SNX25: variants seen among roughly 807,000 people sequenced by gnomAD.
The protein encoded by SNX25 is sorting nexin-25.
In SNX25, 62 loss-of-function variants were observed where a neutral mutation model predicts 113.7. The ratio of observed to expected loss-of-function variants is 0.55; its 90% CI spans 0.44 to 0.67. SNX25 has a LOEUF of 0.67. Among genes scored for constraint, SNX25 ranks in the 30% least tolerant of loss-of-function variants. The pLI, the probability that SNX25 is intolerant of heterozygous loss-of-function variation, is 0.00. For synonymous variants in SNX25, 421 were observed against 436.2 expected, an observed-to-expected ratio of 0.97 and a Z score of 0.43; for missense variants, 1,014 against 1,161.0, an observed-to-expected ratio of 0.87 and a Z score of 1.84.
chr4:185,273,497 A>C (rs1281373889), intron 5 of SNX25, among the ~76,000 whole-genome samples: 1 of 152,184 alleles, frequency 6.6e-6, no homozygotes, highest in African/African-American at 2.4e-5. Context: ...GCTAATTAAC[A>C]TATCAATTAC....
intron 9 of SNX25, among the ~76,000 whole-genome samples, chr4:185,326,914 A>G (rs887502779): frequency 3.9e-5 from 6 of 152,316 alleles, no homozygotes; most frequent in South Asian, 4.1e-4. Context: ...TTAATGCTCA[A>G]TTTACAGAAA....
At chr4:185,328,011 C>T (rs781020350) in intron 9 of SNX25, among the ~76,000 whole-genome samples, 17 of 152,196 alleles carry the variant, frequency 1.1e-4, no homozygotes, top group East Asian at 1.9e-4. Flanking sequence ...GTCTCGTGAA[C>T]TGAAAGATCC....
intron 14 of SNX25, among the ~76,000 whole-genome samples, chr4:185,352,845 A>G (rs892564277): frequency 2.0e-5 from 3 of 152,158 alleles, no homozygotes; most frequent in Admixed American, 2.0e-4. Flanking sequence ...TCCAGCACCT[A>G]ATGTTTGCAG....
chr4:185,325,549 A>AAG, intron 9 of SNX25, among the ~76,000 whole-genome samples: 1 of 152,016 alleles, frequency 6.6e-6, no homozygotes, highest in South Asian at 2.1e-4. Flanking sequence ...AAAAAAAAAA[A>AAG]AAGACAAATC....
chr4:185,375,490 A>ATATATATATATATATATATG, the SNX25 span: 1 of 49,098 alleles, frequency 2.0e-5, no homozygotes, highest in Non-Finnish European at 3.2e-5. Flanking sequence ...AAAAAAAAAT[A>ATATATATATATATATATATG]TATATATATA....
downstream of SNX25, among the ~76,000 whole-genome samples, chr4:185,371,466 C>CA (rs2095415181): frequency 1.3e-5 from 2 of 150,608 alleles, no homozygotes; most frequent in African/African-American, 4.9e-5. Flanking sequence ...GGCGTGAACC[C>CA]GGAAGGCAGA....
chr4:185,347,496 GT>G (rs1303833989), intron 13 of SNX25, among the ~76,000 whole-genome samples: 5 of 151,422 alleles, frequency 3.3e-5, no homozygotes, highest in Non-Finnish European at 5.9e-5. Flanking sequence ...TTGAGACGGA[GT>G]TTCGCTCTTG....
intron 4 of SNX25, 64 bp from the exon 5 acceptor site, chr4:185,266,905 T>C (rs1748175696): frequency 1.4e-6 from 2 of 1,475,196 alleles, no homozygotes; most frequent in Non-Finnish European, 1.9e-6. Flanking sequence ...AGTTATGTGA[T>C]ACATAAACAG....
At chr4:185,220,209 A>C (rs888796406) in intron 1 of SNX25, among the ~76,000 whole-genome samples, 4 of 152,058 alleles carry the variant, frequency 2.6e-5, no homozygotes, top group Non-Finnish European at 5.9e-5. Context: ...TCCCAGTGGT[A>C]CCCGAAGCTT....
At chr4:185,240,691 C>T (rs1171076627) in intron 1 of SNX25, among the ~76,000 whole-genome samples, 9 of 150,958 alleles carry the variant, frequency 6.0e-5, no homozygotes, top group Admixed American at 2.6e-4. Context: ...GGCTGCCGGG[C>T]GGGGGGCTGA....
Position 185,323,544 on chromosome 4 carries a change from T to C in SNX25, c.1493T>C (p.Leu498Ser), listed in dbSNP as rs751957546. 4.3e-6 allele frequency: 7 copies of C among 1,610,732 alleles called. No individual in the cohort carries two copies. The highest frequency in any genetic ancestry group is 5.9e-6 in the Non-Finnish European group (7 of 1,178,772). ...TCTTTTCAGAATGAAATTCCACAAT[T>C]AGTTGGTGAAATTTATCAGAATTTC... ...KNANKNEIPQ[L>S]VGEIYQNFFV... The change falls in exon 9 of 19, where the codon TTA becomes TCA. Residue 498 changes from leucine (L) to serine (S), a missense_variant. Transcript: ENST00000652585.
chr4:185,320,476 G>T (rs1413583385), intron 7 of SNX25, among the ~76,000 whole-genome samples: 1 of 152,082 alleles, frequency 6.6e-6, no homozygotes, highest in Non-Finnish European at 1.5e-5. Context: ...GGGCCTATTG[G>T]GGGTGGGGGC....
chr4:185,353,459 T>C (rs1384348884), intron 14 of SNX25, 26 bp from the exon 15 acceptor site: 1 of 1,559,746 alleles, frequency 6.4e-7, no homozygotes, highest in Non-Finnish European at 8.8e-7. Flanking sequence ...AGTTATCTGC[T>C]TCCTATGACT....
intron 1 of SNX25, among the ~76,000 whole-genome samples, chr4:185,241,207 C>T (rs372838246): frequency 1.3e-5 from 2 of 152,122 alleles, no homozygotes; most frequent in Admixed American, 6.5e-5. Flanking sequence ...TGAGTGAACG[C>T]GACTCCGTCT....
intron 16 of SNX25, among the ~76,000 whole-genome samples, chr4:185,358,980 T>A (rs994840921): frequency 3.3e-5 from 5 of 152,176 alleles, no homozygotes; most frequent in African/African-American, 4.8e-5. Flanking sequence ...ACATTTGCTA[T>A]TTTTTTATTG....
At chr4:185,243,204 A>C (rs1215979551) in intron 1 of SNX25, among the ~76,000 whole-genome samples, 2 of 152,126 alleles carry the variant, frequency 1.3e-5, no homozygotes, top group East Asian at 3.8e-4. Flanking sequence ...AAATACTTAT[A>C]AAATTTGCTG....
chr4:185,376,931 C>T, the SNX25 span: 29 of 1,612,860 alleles, frequency 1.8e-5, no homozygotes, highest in Non-Finnish European at 2.0e-5. Context: ...TAGTTGACCT[C>T]GTAGGAAATA....
At chr4:185,213,579 G>T (rs1738283289) in intron 1 of SNX25, among the ~76,000 whole-genome samples, 2 of 152,158 alleles carry the variant, frequency 1.3e-5, no homozygotes, top group Admixed American at 6.6e-5. Context: ...GCTTTGTTGT[G>T]TGGGTTGTCA....
chr4:185,206,296 A>G (rs987057301), upstream of SNX25, among the ~76,000 whole-genome samples: 9 of 152,208 alleles, frequency 5.9e-5, no homozygotes, highest in East Asian at 1.7e-3. Context: ...GTAGATACAT[A>G]AAATGGAATA....
Sources: allele counts gnomAD v4.1 joint callset (sites outside exome capture counted in the v4.1 genomes callset), GRCh38; gene constraint gnomAD v4.1.1; transcripts MANE v1.5; gene names NCBI Gene and HGNC (gene_info 2026-07-23, HGNC 2026-07-21).